ADCYAP1R1: variants seen among roughly 807,000 people sequenced by gnomAD.
ADCYAP1R1 encodes the protein ADCYAP receptor type I.
In ADCYAP1R1, 44 loss-of-function variants were observed where a neutral mutation model predicts 67.6. That is an observed-to-expected ratio of 0.65 (90% CI 0.51 to 0.84). The LOEUF (loss-of-function observed/expected upper bound fraction) is 0.84. Among genes scored for constraint, ADCYAP1R1 ranks in the 40% least tolerant of loss-of-function variants. The pLI is 0.00. For missense variants in ADCYAP1R1, 477 were observed against 587.9 expected, an observed-to-expected ratio of 0.81 and a Z score of 1.95; for synonymous variants, 222 against 219.6, an observed-to-expected ratio of 1.01 and a Z score of -0.10.
rs1795744654 is a variant in ADCYAP1R1, at chr7:31,086,417, T to C, written c.703T>C (p.Tyr235His). 1 of 1,614,102 alleles carries C rather than the reference T, an allele frequency of 6.2e-7. No individual in the cohort carries two copies. The highest frequency in any genetic ancestry group is 1.7e-5 in the Admixed American group (1 of 60,002). Residue 235 changes from tyrosine to histidine, a missense_variant, in exon 10 of 16, where the codon TAC becomes CAC. Coordinates refer to ENST00000304166, the MANE Select transcript of ADCYAP1R1 (RefSeq NM_001118.5). The surrounding 1 kb of genome is among the most constrained non-coding windows in gnomAD (Gnocchi z 5.0). ...TAAGGCCGTCATGGTTTTCTTCCAC[T>C]ACTGTGTTGTGTCCAACTACTTCTG... Reference protein sequence around the residue: ...ECKAVMVFFHYCVVSNYFWLF... With the variant: ...ECKAVMVFFHHCVVSNYFWLF...
rs187623340 is a variant in ADCYAP1R1, at chr7:31,084,034, G to A, written c.329-107G>A. 65 of 881,952 alleles carry A rather than the reference G, an allele frequency of 7.4e-5. No homozygotes were observed. The Admixed American group carries it at 1.1e-3, about 14-fold the overall frequency. The allele number at this position is 881,952 out of a possible 1,614,324, so 54.6% of individuals were successfully genotyped here. ...AACCTTTCCCCATGCTTCCCAGTTG[G>A]TCATAGGGGTTTCCAGGAATTCCCA... On this transcript the variant is annotated intron_variant, in intron 6 of 15. Coordinates refer to ENST00000304166, the MANE Select transcript of ADCYAP1R1 (RefSeq NM_001118.5).
In ADCYAP1R1 at chr7:31,090,503, A is replaced by G. The variant is rs145006750; in HGVS notation, c.955-2141A>G. Among the ~76,000 whole-genome samples the G allele has an allele frequency of 2.3e-3, 354 of 152,306 alleles. 2 individuals carry two copies. Among genetic ancestry groups the G allele is most frequent in the African/African-American group, 8.1e-3 (337 of 41,566 alleles). On this transcript the variant is annotated intron_variant, in intron 12 of 15. Transcript: ENST00000304166. ...ACATGATGCTGAAGTTATGGGTACA[A>G]TTGATCCCGTCACCCAGGTAGTGAG...
At chr7:31,073,644 A>G (rs1795081514) in intron 3 of ADCYAP1R1, among the ~76,000 whole-genome samples, 1 of 152,146 alleles carries the variant, frequency 6.6e-6, no homozygotes, top group Admixed American at 6.5e-5. Context: ...CATTCAAAAG[A>G]GGAGAGGAGG....
intron 3 of ADCYAP1R1, among the ~76,000 whole-genome samples, chr7:31,072,120 G>A: frequency 6.6e-6 from 1 of 151,928 alleles, no homozygotes; most frequent in Non-Finnish European, 1.5e-5. Context: ...CGACTCTGCA[G>A]CAGTAACAAA....
chr7:31,067,488 C>T (rs1794784109), intron 3 of ADCYAP1R1, among the ~76,000 whole-genome samples: 1 of 151,718 alleles, frequency 6.6e-6, no homozygotes, highest in Admixed American at 6.5e-5. Context: ...GGCTCTGTGC[C>T]AGCACTTCAT....
chr7:31,101,533 C>A (rs1796436116), intron 13 of ADCYAP1R1, among the ~76,000 whole-genome samples: 1 of 152,164 alleles, frequency 6.6e-6, no homozygotes, highest in African/African-American at 2.4e-5. Context: ...GAGGAGTCCC[C>A]AAGACATCCA....
intron 13 of ADCYAP1R1, among the ~76,000 whole-genome samples, chr7:31,100,673 T>C (rs946103388): frequency 6.6e-6 from 1 of 152,138 alleles, no homozygotes; most frequent in Non-Finnish European, 1.5e-5. Flanking sequence ...ACAACAACTC[T>C]ATGAGCTGGG....
intron 1 of ADCYAP1R1, among the ~76,000 whole-genome samples, chr7:31,054,245 G>A (rs1175035346): frequency 6.6e-6 from 1 of 152,200 alleles, no homozygotes; most frequent in African/African-American, 2.4e-5. Context: ...TTGGCCATGG[G>A]TGGTTCATGG....
At chr7:31,060,295 T>C (rs1479625666) in intron 1 of ADCYAP1R1, among the ~76,000 whole-genome samples, 1 of 152,230 alleles carries the variant, frequency 6.6e-6, no homozygotes, top group Non-Finnish European at 1.5e-5. Context: ...AATCCAAGTA[T>C]ATCTTATTGC....
intron 4 of ADCYAP1R1, among the ~76,000 whole-genome samples, chr7:31,079,745 C>T (rs895056245): frequency 1.3e-5 from 2 of 152,150 alleles, no homozygotes; most frequent in South Asian, 4.1e-4. Flanking sequence ...GCAGCAACAC[C>T]TCCACCTCCA....
chr7:31,097,815 G>C (rs1320286906), intron 13 of ADCYAP1R1, among the ~76,000 whole-genome samples: 2 of 85,108 alleles, frequency 2.3e-5, no homozygotes, highest in Non-Finnish European at 4.3e-5. Flanking sequence ...AGATACAGTT[G>C]GGGGGGGGTC....
Position 31,095,598 on chromosome 7 carries a change from T to C in ADCYAP1R1, c.1046+2863T>C, listed in dbSNP as rs889635275. ...AGAGTCCCCTGGGGTACCAGAGTTA[T>C]GTGTGGGGCCAAGAAGCCCCTTCAG... is the stretch of plus-strand genomic sequence containing the variant. On this transcript the variant is annotated intron_variant, in intron 13 of 15. Coordinates refer to ENST00000304166, the MANE Select transcript of ADCYAP1R1 (RefSeq NM_001118.5). 5 of 715,530 alleles carry C rather than the reference T, an allele frequency of 7.0e-6. No homozygotes were observed. The African/African-American group carries it at 7.0e-5, about 10-fold the overall frequency. The allele number at this position is 715,530 out of a possible 1,614,324, so 44.3% of individuals were successfully genotyped here.
intron 12 of ADCYAP1R1, among the ~76,000 whole-genome samples, chr7:31,090,473 A>AT (rs1182483478): frequency 5.9e-5 from 9 of 152,190 alleles, no homozygotes; most frequent in Admixed American, 4.6e-4. Flanking sequence ...TTACATAGGT[A>AT]TATCACATGA....
chr7:31,083,099 G>T (rs563206183), intron 6 of ADCYAP1R1, among the ~76,000 whole-genome samples: 1 of 152,378 alleles, frequency 6.6e-6, no homozygotes, highest in Non-Finnish European at 1.5e-5. Flanking sequence ...TTCTGCAGGT[G>T]TCTCTTGTTT....
chr7:31,061,724 A>C (rs1341212296), intron 1 of ADCYAP1R1, among the ~76,000 whole-genome samples: 1 of 152,066 alleles, frequency 6.6e-6, no homozygotes, highest in Non-Finnish European at 1.5e-5. Flanking sequence ...GCTTATCTCC[A>C]GCTTAAGCTT....
At chr7:31,060,490 T>A (rs1013624541) in intron 1 of ADCYAP1R1, among the ~76,000 whole-genome samples, 2 of 150,280 alleles carry the variant, frequency 1.3e-5, no homozygotes, top group African/African-American at 5.0e-5. Context: ...TGTGAAGGAG[T>A]GTGTGTGTGT....
At position 31,086,422 on chromosome 7, in the gene ADCYAP1R1, T is replaced by C. The variant is rs993479822; in HGVS notation, c.708T>C (p.Cys236=). The C allele has an allele frequency of 2.5e-6, 4 of 1,614,240 alleles. No homozygotes were observed. The highest frequency in any genetic ancestry group is 1.7e-4 in the Middle Eastern group (1 of 6,056). ...CCGTCATGGTTTTCTTCCACTACTG[T>C]GTTGTGTCCAACTACTTCTGGCTGT... ...CKAVMVFFHY[C]VVSNYFWLFI... The change falls in exon 10 of 16, where the codon TGT becomes TGC. Residue 236 remains cysteine, a synonymous_variant. Coordinates refer to ENST00000304166, the MANE Select transcript of ADCYAP1R1 (RefSeq NM_001118.5). This position sits in a 1 kb window ranked among gnomAD's most constrained non-coding sequence, Gnocchi z 5.0.
intron 1 of ADCYAP1R1, among the ~76,000 whole-genome samples, chr7:31,057,664 G>A (rs1006941109): frequency 1.3e-5 from 2 of 152,316 alleles, no homozygotes; most frequent in Non-Finnish European, 2.9e-5. Context: ...AGGTTCTAGA[G>A]GGTTTCCCCT....
At chr7:31,069,257 G>A (rs1306303963) in intron 3 of ADCYAP1R1, among the ~76,000 whole-genome samples, 5 of 152,290 alleles carry the variant, frequency 3.3e-5, no homozygotes, top group Middle Eastern at 3.4e-3. Context: ...AAATCTGAGC[G>A]TACCAAAGAA....
Sources: gnomAD v4.1 joint callset for allele counts (sites outside exome capture counted in the v4.1 genomes callset) on GRCh38, gnomAD v4.1.1 for gene constraint, Gnocchi (gnomAD v3.1) non-coding constraint, MANE v1.5 for transcripts, NCBI Gene and HGNC (gene_info 2026-07-23, HGNC 2026-07-21) for gene names.